Variants in RAB43 observed in about 807,000 individuals in gnomAD.
RAB43 encodes the protein ras-related protein Rab-43.
Under a neutral mutation model 18.8 loss-of-function variants are expected in RAB43, and 6 were observed. That is an observed-to-expected ratio of 0.32 (90% CI 0.17 to 0.63). The LOEUF (loss-of-function observed/expected upper bound fraction) is 0.63. Ranked by LOEUF, RAB43 falls within the 30% of genes least tolerant of loss-of-function variation. The probability of loss-of-function intolerance (pLI) is 0.79; values close to 1 mark genes in which losing one functional copy is unlikely to be tolerated. For synonymous variants in RAB43, 103 were observed against 124.1 expected (o/e 0.83, Z 1.13); for missense variants, 195 against 289.1 (o/e 0.67, Z 2.36).
intron 2 of RAB43, among the ~76,000 whole-genome samples, chr3:129,093,920 CTGAG>C (rs1167205239): frequency 2.0e-5 from 3 of 152,170 alleles, no homozygotes; most frequent in African/African-American, 7.2e-5. Context: ...GCCTGGGTGA[CTGAG>C]TAAGACTCTG....
At chr3:129,109,183 G>T (rs1175449087) in intron 1 of RAB43, among the ~76,000 whole-genome samples, 1 of 152,142 alleles carries the variant, frequency 6.6e-6, no homozygotes, top group Non-Finnish European at 1.5e-5. Flanking sequence ...GGCCAAGGCG[G>T]GCGGATCACG....
intron 1 of RAB43, among the ~76,000 whole-genome samples, chr3:129,119,772 T>C (rs1935787365): frequency 6.6e-6 from 1 of 152,126 alleles, no homozygotes; most frequent in Non-Finnish European, 1.5e-5. Context: ...CAGTCTGTTA[T>C]CTCAACAGGT....
chr3:129,113,105 C>G (rs1263597548), intron 1 of RAB43, among the ~76,000 whole-genome samples: 3 of 151,714 alleles, frequency 2.0e-5, no homozygotes, highest in African/African-American at 7.3e-5. Flanking sequence ...AAAGAGATGA[C>G]TCTGAAAGGG....
intron 1 of RAB43, among the ~76,000 whole-genome samples, chr3:129,121,076 C>CCG (rs1935888036): frequency 6.7e-6 from 1 of 148,398 alleles, no homozygotes; most frequent in African/African-American, 2.5e-5. Context: ...TCGCCCCCCC[C>CCG]CCCCCCAGCA....
chr3:129,121,584 G>A lies in RAB43; in HGVS notation c.-95C>T. The A allele has an allele frequency of 9.3e-7, 1 of 1,071,702 alleles. No individual in the cohort carries two copies. The highest frequency in any genetic ancestry group is 1.7e-5 in the South Asian group (1 of 59,536). 66.4% of individuals were successfully genotyped at this position (1,071,702 alleles called of 1,614,324 possible). A position where few individuals can be genotyped will look rare whatever the true frequency, so the allele number is the denominator to read the frequency against. ...CCGAGCTCCGCCCGCTCCAGCCCAC[G>A]GGCCGCCTGGCTACGTGGAGCCGCC... On this transcript the variant is annotated 5_prime_UTR_variant, in exon 1 of 3. Transcript: ENST00000315150.
At position 129,110,401 on chromosome 3, in the gene RAB43, C is replaced by T. The variant is rs116951092; in HGVS notation, c.204+10885G>A. 2.6e-4 allele frequency among the ~76,000 whole-genome samples: 40 copies of T among 152,230 alleles called. No homozygotes were observed. The East Asian group carries it at 7.5e-3, about 29-fold the overall frequency. ...GTACACTGTGCCAAGTGCTTTGATACCTAAGACAAAGTCCATGCCCAGCAG... is the reference window on the plus strand; with the variant it reads ...GTACACTGTGCCAAGTGCTTTGATATCTAAGACAAAGTCCATGCCCAGCAG... On this transcript the variant is annotated intron_variant, in intron 1 of 2. Coordinates refer to ENST00000315150, the MANE Select transcript of RAB43 (RefSeq NM_198490.3).
intron 1 of RAB43, among the ~76,000 whole-genome samples, chr3:129,101,773 G>A (rs564384437): frequency 1.3e-5 from 2 of 152,362 alleles, no homozygotes; most frequent in East Asian, 3.9e-4. Context: ...GCAGGCCAAA[G>A]TTAAGAGTGT....
At chr3:129,110,507 C>CA (rs943371572) in intron 1 of RAB43, among the ~76,000 whole-genome samples, 7 of 152,008 alleles carry the variant, frequency 4.6e-5, no homozygotes, top group East Asian at 1.9e-4. Context: ...AGTACTAGGA[C>CA]AAAAAAACAA....
At chr3:129,094,511 T>TC (rs1933895508) in intron 2 of RAB43, among the ~76,000 whole-genome samples, 1 of 99,478 alleles carries the variant, frequency 1.0e-5, no homozygotes. Context: ...CTTTCTTTTT[T>TC]TTTTTTTTTT....
intron 1 of RAB43, among the ~76,000 whole-genome samples, chr3:129,099,516 A>G (rs1934283791): frequency 6.6e-6 from 1 of 152,134 alleles, no homozygotes; most frequent in African/African-American, 2.4e-5. Context: ...TCTCCTGAGT[A>G]GCTGGAATTA....
chr3:129,118,970 G>A (rs1422333997), intron 1 of RAB43, among the ~76,000 whole-genome samples: 1 of 152,182 alleles, frequency 6.6e-6, no homozygotes, highest in East Asian at 1.9e-4. Context: ...GGTTGCCACA[G>A]GATGAGGTGA....
At chr3:129,112,454 G>A (rs1396834826) in intron 1 of RAB43, among the ~76,000 whole-genome samples, 1 of 152,122 alleles carries the variant, frequency 6.6e-6, no homozygotes, top group East Asian at 1.9e-4. Context: ...GCCTAGAGAG[G>A]CTTCTGAGAT....
intron 1 of RAB43, among the ~76,000 whole-genome samples, chr3:129,104,701 T>A (rs1472257755): frequency 6.6e-6 from 1 of 152,204 alleles, no homozygotes; most frequent in African/African-American, 2.4e-5. Flanking sequence ...GGGAAGCACA[T>A]GTTGGGTGAG....
At position 129,109,742 on chromosome 3, in the gene RAB43, A is replaced by AAAT. The variant is rs530716127; in HGVS notation, c.204+11541_204+11543dup. On this transcript the variant is annotated intron_variant, in intron 1 of 2. Transcript: ENST00000315150. ...AGGCGACAGTGAGAGACTCCATCTAAAATAATAATAATAATAATAATAATA... is the reference window on the plus strand; with the variant it reads ...AGGCGACAGTGAGAGACTCCATCTAAAATAATAATAATAATAATAATAATAATA... 2.8e-3 allele frequency among the ~76,000 whole-genome samples: 426 copies of AAAT among 150,654 alleles called. 3 individuals are homozygous for AAAT. Among genetic ancestry groups the AAAT allele is most frequent in the African/African-American group, 5.2e-3 (213 of 41,186 alleles).
At position 129,121,508 on chromosome 3, in the gene RAB43, G is replaced by C. The variant is rs778019089; in HGVS notation, c.-19C>G. ...CTGCCATGGCCTAGAAGAAGCCGAA[G>C]GGCCGGCGCTCTGGACGCTGGGACC... is the stretch of plus-strand genomic sequence containing the variant. On this transcript the variant is annotated 5_prime_UTR_variant, in exon 1 of 3. Transcript: ENST00000315150. 1.9e-6 allele frequency: 3 copies of C among 1,587,036 alleles called. 1 individual carries two copies. In the South Asian group the frequency reaches 3.4e-5, roughly 18 times the overall value.
chr3:129,106,868 G>A (rs1576834178), intron 1 of RAB43, among the ~76,000 whole-genome samples: 1 of 152,154 alleles, frequency 6.6e-6, no homozygotes, highest in Non-Finnish European at 1.5e-5. Flanking sequence ...GCTTGGTGGC[G>A]ATGCAGAGTG....
chr3:129,115,399 G>A (rs1258417185), intron 1 of RAB43, among the ~76,000 whole-genome samples: 1 of 152,146 alleles, frequency 6.6e-6, no homozygotes. Flanking sequence ...AGCTACTAAG[G>A]AGGCTGAGGC....
At chr3:129,099,382 C>T (rs548535265) in intron 1 of RAB43, among the ~76,000 whole-genome samples, 5 of 148,696 alleles carry the variant, frequency 3.4e-5, no homozygotes, top group East Asian at 4.0e-4. Context: ...TGAGCCACCG[C>T]GCCTGGCCTT....
chr3:129,100,797 A>G (rs1934363605), intron 1 of RAB43, among the ~76,000 whole-genome samples: 1 of 152,126 alleles, frequency 6.6e-6, no homozygotes, highest in South Asian at 2.1e-4. Flanking sequence ...TCTCTAGGCT[A>G]AAACTTCATT....
Sources: gnomAD v4.1 joint callset for allele counts (sites outside exome capture counted in the v4.1 genomes callset) on GRCh38, gnomAD v4.1.1 for gene constraint, MANE v1.5 for transcripts, NCBI Gene and HGNC (gene_info 2026-07-23, HGNC 2026-07-21) for gene names.